The following KIF4A variants were observed in gnomAD, a reference collection of about 807,000 sequenced individuals.
KIF4A encodes kinesin family member 4A.
KIF4A carries 7 observed loss-of-function variants against 105.9 expected under a neutral mutation model. The ratio of observed to expected loss-of-function variants is 0.07; its 90% CI spans 0.04 to 0.12. The LOEUF (loss-of-function observed/expected upper bound fraction) is 0.12. Among genes scored for constraint, KIF4A ranks in the 10% least tolerant of loss-of-function variants. The probability of loss-of-function intolerance (pLI) is 1.00; values close to 1 mark genes in which losing one functional copy is unlikely to be tolerated. For missense variants in KIF4A, 558 were observed against 929.2 expected (o/e 0.60, Z 5.19); for synonymous variants, 281 against 331.3 (o/e 0.85, Z 1.65).
At chrX:70,366,690 T>C (rs1264104152) in intron 15 of KIF4A, among the ~76,000 whole-genome samples, 1 of 111,938 alleles carries the variant, frequency 8.9e-6, no homozygotes, top group Non-Finnish European at 1.9e-5. Context: ...AGTTTTGGAA[T>C]AGGTGTGGTG....
chrX:70,305,859 A>G (rs1006675164), intron 7 of KIF4A, among the ~76,000 whole-genome samples: 1 of 111,645 alleles, frequency 9.0e-6, no homozygotes, highest in Non-Finnish European at 1.9e-5. Flanking sequence ...CTTGTTACTT[A>G]TTTATTTTTC....
intron 15 of KIF4A, among the ~76,000 whole-genome samples, chrX:70,373,716 GTA>G (rs10550185): frequency 3.2e-3 from 2 of 621 alleles, no homozygotes; most frequent in African/African-American, 8.5e-3. Flanking sequence ...ACATATACGT[GTA>G]TATATATACG....
chrX:70,343,826 T>C, intron 12 of KIF4A, 51 bp from the exon 13 acceptor site: 1 of 1,188,601 alleles, frequency 8.4e-7, no homozygotes, highest in Non-Finnish European at 1.1e-6. Flanking sequence ...GTGGAGCCTC[T>C]GGCCTTTGTC....
chrX:70,326,227 G>A (rs1046298428), intron 7 of KIF4A, among the ~76,000 whole-genome samples: 24 of 111,993 alleles, frequency 2.1e-4, no homozygotes, highest in African/African-American at 7.1e-4. Flanking sequence ...CTGTGGCACC[G>A]TTAATATTTT....
At chrX:70,372,247 C>T (rs567435830) in intron 15 of KIF4A, among the ~76,000 whole-genome samples, 8 of 111,935 alleles carry the variant, frequency 7.1e-5, no homozygotes, top group South Asian at 3.7e-4. Flanking sequence ...GGGTGGCGGC[C>T]GGGCAGAGGC....
intron 18 of KIF4A, among the ~76,000 whole-genome samples, chrX:70,378,227 C>A (rs923400334): frequency 9.0e-6 from 1 of 110,860 alleles, no homozygotes; most frequent in African/African-American, 3.3e-5. Context: ...GCTCCTGTAG[C>A]CCCAGCTACT....
Position 70,329,517 on chromosome X carries a change from T to C in KIF4A, c.891T>C (p.Leu297=), listed in dbSNP as rs2085922497. The change falls in exon 8 of 31, where the codon CTT becomes CTC. Residue 297 remains leucine, a synonymous_variant. Transcript: ENST00000374403. ...GAGATTCCAAGTTGACTCGACTGCT[T>C]CAAGGTAAGCCCAAAGTGCCTCCAA... ...PYRDSKLTRL[L]QDSLGGNSHT... 1 of 1,198,965 alleles carries C rather than the reference T, an allele frequency of 8.3e-7. No homozygotes were observed. Among genetic ancestry groups the C allele is most frequent in the African/African-American group, 1.8e-5 (1 of 56,810 alleles).
intron 15 of KIF4A, among the ~76,000 whole-genome samples, chrX:70,371,535 C>T (rs2086132912): frequency 9.0e-6 from 1 of 111,335 alleles, no homozygotes; most frequent in African/African-American, 3.3e-5. Context: ...GGGCTCCTCA[C>T]TTCCCAGTAG....
In KIF4A at chrX:70,290,143, T is replaced by G; in HGVS notation, c.-29T>G. The G allele has an allele frequency of 1.0e-5, 2 of 191,069 alleles. No homozygotes were observed. The highest frequency in any genetic ancestry group is 1.0e-4 in the East Asian group (1 of 9,526). The allele number at this position is 191,069 out of a possible 1,213,427, so 15.7% of individuals were successfully genotyped here. A position where few individuals can be genotyped will look rare whatever the true frequency, so the allele number is the denominator to read the frequency against. ...CCCAGGGAGAACGGGGAAGGGACAT[T>G]TAGTTTGGTGAGTTACGGGGGCACA... On this transcript the variant is annotated 5_prime_UTR_variant, in exon 1 of 31. The change creates a new upstream start codon in the 5' untranslated region. Transcript: ENST00000374403.
chrX:70,371,820 G>A lies in KIF4A; in HGVS notation c.1675-2331G>A, dbSNP rs1478930585. On this transcript the variant is annotated intron_variant, in intron 15 of 30. Coordinates refer to ENST00000374403, the MANE Select transcript of KIF4A (RefSeq NM_012310.5). The stretch of plus-strand genomic sequence containing the variant: ...TCACTTCTCAGATGGGGCGGCTGCC[G>A]GGCGGAGGGGCTCCTCACTTCTCAG... Among the ~76,000 whole-genome samples, 11 of 98,063 alleles carry A rather than the reference G, an allele frequency of 1.1e-4. 1 individual carries two copies. Among genetic ancestry groups the A allele is most frequent in the Admixed American group, 6.3e-4 (6 of 9,570 alleles). The allele number at this position is 98,063 out of a possible 115,157, so 85.2% of individuals were successfully genotyped here.
intron 7 of KIF4A, among the ~76,000 whole-genome samples, chrX:70,313,372 C>A: frequency 9.0e-6 from 1 of 111,497 alleles, no homozygotes; most frequent in Non-Finnish European, 1.9e-5. Flanking sequence ...TCATTTATAC[C>A]CAATCTGATG....
At chrX:70,416,625 C>T (rs1036178845) in intron 28 of KIF4A, among the ~76,000 whole-genome samples, 1 of 111,603 alleles carries the variant, frequency 9.0e-6, no homozygotes, top group Non-Finnish European at 1.9e-5. Flanking sequence ...CATGAGCCAC[C>T]GCACGGTCTA....
Position 70,375,289 on chromosome X carries a change from C to T in KIF4A, c.1864C>T (p.Leu622Phe), listed in dbSNP as rs2086170578. 1 of 1,209,241 alleles carries T rather than the reference C, an allele frequency of 8.3e-7. No homozygotes were observed. Among genetic ancestry groups the T allele is most frequent in the East Asian group, 3.0e-5 (1 of 33,774 alleles). The change falls in exon 17 of 31, where the codon CTT becomes TTT. Residue 622 changes from leucine to phenylalanine, a missense_variant. Physicochemically the swap from Leu to Phe is conservative, Grantham distance 22. Coordinates refer to ENST00000374403, the MANE Select transcript of KIF4A (RefSeq NM_012310.5). ...GAAGAAACTGAATGAGCAGTCCAAACTTCTGAAACTAAAGGAATCCACAGA... is the reference window on the plus strand; with the variant it reads ...GAAGAAACTGAATGAGCAGTCCAAATTTCTGAAACTAAAGGAATCCACAGA... ...LKKKLNEQSKLLKLKESTERT... is the reference protein window; with the variant it reads ...LKKKLNEQSKFLKLKESTERT...
intron 28 of KIF4A, among the ~76,000 whole-genome samples, chrX:70,413,876 G>A (rs1277792752): frequency 9.0e-6 from 1 of 111,051 alleles, no homozygotes; most frequent in Non-Finnish European, 1.9e-5. Flanking sequence ...GTCAGGAAAA[G>A]CATCAGAAGA....
chrX:70,404,137 A>G, intron 24 of KIF4A, 103 bp downstream of exon 24: 1 of 959,551 alleles, frequency 1.0e-6, no homozygotes, highest in Non-Finnish European at 1.4e-6. Flanking sequence ...TCAAAAGTCC[A>G]CGTGGCCTTT....
At chrX:70,380,846 C>T (rs933057486) in intron 18 of KIF4A, among the ~76,000 whole-genome samples, 1 of 112,022 alleles carries the variant, frequency 8.9e-6, no homozygotes, top group African/African-American at 3.2e-5. Context: ...AATATAAGAT[C>T]AATATAAGAA....
chrX:70,418,094 G>A (rs969353718), intron 29 of KIF4A, 90 bp downstream of exon 29: 4 of 715,795 alleles, frequency 5.6e-6, no homozygotes, highest in Admixed American at 5.4e-5. Flanking sequence ...GAAACCTGGA[G>A]TCTCCTGCAC....
In KIF4A at chrX:70,375,185, C is replaced by A; in HGVS notation, c.1779-19C>A. ...GCTTTGCTGCTGGTAGTCCTCACTTCTACAGCATCTGTGTTTAGGTTGAGT... is the reference window on the plus strand; with the variant it reads ...GCTTTGCTGCTGGTAGTCCTCACTTATACAGCATCTGTGTTTAGGTTGAGT... On this transcript the variant is annotated intron_variant, in intron 16 of 30. Transcript: ENST00000374403. The A allele has an allele frequency of 8.3e-7, 1 of 1,208,398 alleles. No homozygotes were observed. Among genetic ancestry groups the A allele is most frequent in the Non-Finnish European group, 1.1e-6 (1 of 894,505 alleles).
intron 6 of KIF4A, 35 bp downstream of exon 6, chrX:70,302,101 ATTAG>A (rs1569228936): frequency 2.5e-6 from 3 of 1,182,459 alleles, no homozygotes; most frequent in Non-Finnish European, 2.3e-6. Context: ...GATTTTTAGT[ATTAG>A]TTCTATTAAG....
Sources: allele counts gnomAD v4.1 joint callset (sites outside exome capture counted in the v4.1 genomes callset), GRCh38; gene constraint gnomAD v4.1.1; transcripts MANE v1.5; gene names NCBI Gene and HGNC (gene_info 2026-07-23, HGNC 2026-07-21).